PTCHD4: variants seen among roughly 807,000 people sequenced by gnomAD.
The protein encoded by PTCHD4 is patched domain-containing protein 4.
In PTCHD4, 33 loss-of-function variants were observed where a neutral mutation model predicts 58.1. That is an observed-to-expected ratio of 0.57 (90% CI 0.43 to 0.76). The LOEUF (loss-of-function observed/expected upper bound fraction) is 0.76, where lower values mean the gene tolerates loss of function less well. Among genes scored for constraint, PTCHD4 ranks in the 30% least tolerant of loss-of-function variants. PTCHD4 has a pLI of 0.00. For synonymous variants in PTCHD4, 478 were observed against 409.6 expected (o/e 1.17, Z -2.02); for missense variants, 1,058 against 1,027.1 (o/e 1.03, Z -0.41).
rs942640634 is a variant in PTCHD4, at chr6:47,867,716, A to T, written c.*10587T>A. Among the ~76,000 whole-genome samples, 2 of 151,714 alleles carry T rather than the reference A, an allele frequency of 1.3e-5. No individual in the cohort carries two copies. The highest frequency in any genetic ancestry group is 2.9e-5 in the Non-Finnish European group (2 of 67,800). On this transcript the variant is annotated 3_prime_UTR_variant, in exon 5 of 5. Coordinates refer to ENST00000339488, the MANE Select transcript of PTCHD4 (RefSeq NM_001384253.1). ...CCATCCTCCATCTCTATCTATTAGA[A>T]TCTTACCCACACTTCAATGTGGATC...
chr6:47,978,564 G>A (rs906249786), intron 4 of PTCHD4, among the ~76,000 whole-genome samples: 2 of 152,112 alleles, frequency 1.3e-5, no homozygotes, highest in South Asian at 2.1e-4. Context: ...TAAGTTATAC[G>A]TTTCTAATTA....
At chr6:48,098,877 A>C (rs1321445109) in intron 1 of PTCHD4, among the ~76,000 whole-genome samples, 1 of 152,144 alleles carries the variant, frequency 6.6e-6, no homozygotes, top group Non-Finnish European at 1.5e-5. Flanking sequence ...TTGAAAGTAA[A>C]ATTAAGTATT....
intron 4 of PTCHD4, among the ~76,000 whole-genome samples, chr6:47,967,374 A>G (rs967559538): frequency 6.6e-6 from 1 of 152,178 alleles, no homozygotes. Context: ...TGTTACCTTT[A>G]TAGAGCATGG....
rs1406459889 is a variant in PTCHD4 at position 48,068,895 on chromosome 6, G to A, written c.5+58C>T. Among the ~76,000 whole-genome samples the A allele has an allele frequency of 6.6e-6, 1 of 151,508 alleles. No homozygotes were observed. Among genetic ancestry groups the A allele is most frequent in the African/African-American group, 2.4e-5 (1 of 41,240 alleles). On this transcript the variant is annotated intron_variant, in intron 2 of 4. Transcript: ENST00000339488. The surrounding 1 kb of genome is among the most constrained non-coding windows in gnomAD (Gnocchi z 4.2). ...GTGGGGGCGGGCGGCGGGCGCCGCG[G>A]GGCCCACCCCCTCCCCGGTCTCCCC... is the stretch of plus-strand genomic sequence containing the variant.
intron 4 of PTCHD4, among the ~76,000 whole-genome samples, chr6:47,967,382 T>C (rs1271902997): frequency 6.6e-6 from 1 of 152,202 alleles, no homozygotes; most frequent in South Asian, 2.1e-4. Flanking sequence ...TTATAGAGCA[T>C]GGGCAGAGTA....
chr6:47,926,756 G>C (rs369907205), intron 4 of PTCHD4, among the ~76,000 whole-genome samples: 4 of 152,146 alleles, frequency 2.6e-5, no homozygotes, highest in African/African-American at 9.7e-5. Flanking sequence ...TGGGCAAATA[G>C]CCTCAGTTTT....
chr6:48,041,005 A>G (rs995471075), intron 3 of PTCHD4, among the ~76,000 whole-genome samples: 2 of 152,128 alleles, frequency 1.3e-5, no homozygotes, highest in African/African-American at 2.4e-5. Context: ...ATCCATGGTA[A>G]TGATTACGGC....
Position 47,872,009 on chromosome 6 carries a change from A to G in PTCHD4, c.*6294T>C, listed in dbSNP as rs1763725346. 6.6e-6 allele frequency among the ~76,000 whole-genome samples: 1 copy of G among 151,530 alleles called. No individual in the cohort carries two copies. Reference sequence around the variant, plus strand: ...TGCTACAGACTGTACCAGGAGATGCAAGAATATGACGGCTTATTCTTTTTT... The same window carrying G: ...TGCTACAGACTGTACCAGGAGATGCGAGAATATGACGGCTTATTCTTTTTT... On this transcript the variant is annotated 3_prime_UTR_variant, in exon 5 of 5. Coordinates refer to ENST00000339488, the MANE Select transcript of PTCHD4 (RefSeq NM_001384253.1).
chr6:47,925,511 C>T (rs796251927), intron 4 of PTCHD4, among the ~76,000 whole-genome samples: 3 of 152,132 alleles, frequency 2.0e-5, no homozygotes, highest in African/African-American at 2.4e-5. Context: ...AAGAGTGGCA[C>T]CAACTCATGC....
intron 3 of PTCHD4, among the ~76,000 whole-genome samples, chr6:48,036,851 C>T (rs558292523): frequency 1.3e-5 from 2 of 152,242 alleles, no homozygotes; most frequent in East Asian, 3.9e-4. Context: ...TTTGCTGTGG[C>T]ACCTCACACT....
intron 4 of PTCHD4, chr6:47,901,837 A>G: frequency 7.7e-7 from 1 of 1,296,146 alleles, no homozygotes; most frequent in Non-Finnish European, 1.0e-6. Flanking sequence ...TCCAAATGTG[A>G]TATTTTTCTC....
chr6:48,104,926 A>G (rs1473928813), intron 1 of PTCHD4, among the ~76,000 whole-genome samples: 5 of 152,236 alleles, frequency 3.3e-5, no homozygotes, highest in Non-Finnish European at 7.3e-5. Flanking sequence ...TATGCACCCA[A>G]TACAGGAGCA....
intron 4 of PTCHD4, among the ~76,000 whole-genome samples, chr6:48,004,820 G>A (rs1762367045): frequency 2.0e-5 from 3 of 152,156 alleles, no homozygotes; most frequent in Non-Finnish European, 4.4e-5. Context: ...GGGAGGCTGA[G>A]GCAGGAGAAT....
chr6:47,987,967 G>T (rs1032897914), intron 4 of PTCHD4, among the ~76,000 whole-genome samples: 45 of 151,850 alleles, frequency 3.0e-4, no homozygotes, highest in African/African-American at 1.0e-3. Context: ...AGTAGAGATG[G>T]GTTTTCACCA....
intron 4 of PTCHD4, among the ~76,000 whole-genome samples, chr6:47,939,308 G>C (rs1766121517): frequency 6.6e-6 from 1 of 151,292 alleles, no homozygotes; most frequent in Non-Finnish European, 1.5e-5. Flanking sequence ...CTGGAGAGGG[G>C]CCTGAGGATT....
rs142167394 is a variant in PTCHD4 at position 47,941,108 on chromosome 6, C to T, written c.899-61172G>A. On this transcript the variant is annotated intron_variant, in intron 4 of 4. Transcript: ENST00000339488. ...GCCCGCCTCCGTACTCACTCTCCCT[C>T]GTAACACAGGGGCTGTACACATGGG... Among the ~76,000 whole-genome samples, 832 of 152,322 alleles carry T rather than the reference C, an allele frequency of 5.5e-3. 4 individuals carry two copies. The highest frequency in any genetic ancestry group is 0.015 in the Admixed American group (230 of 15,296).
At chr6:48,103,307 T>A (rs1037120466) in intron 1 of PTCHD4, among the ~76,000 whole-genome samples, 1 of 152,224 alleles carries the variant, frequency 6.6e-6, no homozygotes, top group Non-Finnish European at 1.5e-5. Context: ...ATATCCGCTG[T>A]TCTGCAGCTA....
At chr6:47,923,026 T>C (rs944027356) in intron 4 of PTCHD4, among the ~76,000 whole-genome samples, 1 of 152,206 alleles carries the variant, frequency 6.6e-6, no homozygotes, top group African/African-American at 2.4e-5. Flanking sequence ...ATCTGAGTTT[T>C]CAGTTTCCTC....
chr6:47,970,010 C>T (rs907459387), intron 4 of PTCHD4, among the ~76,000 whole-genome samples: 9 of 152,110 alleles, frequency 5.9e-5, no homozygotes, highest in Admixed American at 2.0e-4. Flanking sequence ...GCATTAGTTC[C>T]TAAAGGTGAG....
Sources: gnomAD v4.1 joint callset for allele counts (sites outside exome capture counted in the v4.1 genomes callset) on GRCh38, gnomAD v4.1.1 for gene constraint, Gnocchi (gnomAD v3.1) non-coding constraint, MANE v1.5 for transcripts, NCBI Gene and HGNC (gene_info 2026-07-23, HGNC 2026-07-21) for gene names.